SLC6A2: variants seen among roughly 807,000 people sequenced by gnomAD.
SLC6A2 encodes the protein sodium-dependent noradrenaline transporter.
Under a neutral mutation model 71.7 loss-of-function variants are expected in SLC6A2, and 26 were observed. The observed-to-expected ratio is 0.36, with a 90% CI of 0.27 to 0.50. The LOEUF (loss-of-function observed/expected upper bound fraction) is 0.50. SLC6A2 is among the 20% of genes least tolerant of loss of function. SLC6A2 has a pLI of 0.96. For synonymous variants in SLC6A2, 363 were observed against 337.9 expected, an observed-to-expected ratio of 1.07 and a Z score of -0.82; for missense variants, 581 against 803.9, an observed-to-expected ratio of 0.72 and a Z score of 3.35.
chr16:55,658,501 C>G (rs1275867092), intron 2 of SLC6A2, among the ~76,000 whole-genome samples: 1 of 151,666 alleles, frequency 6.6e-6, no homozygotes, highest in Admixed American at 6.6e-5. Flanking sequence ...CCATGGGTGA[C>G]AGAGCAAGAC....
At chr16:55,664,750 A>G (rs545196088) in intron 2 of SLC6A2, among the ~76,000 whole-genome samples, 1 of 152,328 alleles carries the variant, frequency 6.6e-6, no homozygotes, top group East Asian at 1.9e-4. Context: ...TCACATAGCT[A>G]CACATAGCAG....
intron 4 of SLC6A2, among the ~76,000 whole-genome samples, chr16:55,675,378 A>G (rs1162941479): frequency 6.6e-6 from 1 of 152,204 alleles, no homozygotes; most frequent in East Asian, 1.9e-4. Flanking sequence ...GAGGTCCCCA[A>G]ACTTTTCTGC....
At chr16:55,663,043 C>T (rs1964652327) in intron 2 of SLC6A2, among the ~76,000 whole-genome samples, 1 of 152,194 alleles carries the variant, frequency 6.6e-6, no homozygotes, top group Admixed American at 6.5e-5. Context: ...ACTTTGTGTT[C>T]CTATAATGAG....
chr16:55,697,187 T>C (rs1269050194), intron 9 of SLC6A2, among the ~76,000 whole-genome samples: 2 of 152,228 alleles, frequency 1.3e-5, no homozygotes, highest in Non-Finnish European at 2.9e-5. Context: ...GCCTTTTGCT[T>C]TCAGTCAGCA....
chr16:55,692,020 C>T lies in SLC6A2; in HGVS notation c.886C>T (p.His296Tyr). 1 of 1,614,202 alleles carries T rather than the reference C, an allele frequency of 6.2e-7. No individual in the cohort carries two copies. The highest frequency in any genetic ancestry group is 8.5e-7 in the Non-Finnish European group (1 of 1,180,026). ...CTCCAATGGCATCAATGCCTACCTG[C>T]ACATCGACTTCTACCGCTTGAAAGA... ...GASNGINAYL[H>Y]IDFYRLKEAT... Residue 296 changes from histidine to tyrosine, a missense_variant, in exon 6 of 15, where the codon CAC (histidine) becomes TAC (tyrosine). Coordinates refer to ENST00000568943, the MANE Select transcript of SLC6A2 (RefSeq NM_001172501.3).
intron 3 of SLC6A2, among the ~76,000 whole-genome samples, chr16:55,671,187 A>G (rs1193161772): frequency 6.6e-6 from 1 of 152,168 alleles, no homozygotes; most frequent in Non-Finnish European, 1.5e-5. Flanking sequence ...GGGATAGGGA[A>G]GGGGAGGCAG....
intron 9 of SLC6A2, among the ~76,000 whole-genome samples, chr16:55,696,544 C>A (rs563996160): frequency 1.3e-5 from 2 of 152,204 alleles, no homozygotes; most frequent in African/African-American, 2.4e-5. Flanking sequence ...CATAGGAACC[C>A]CTTTGACATC....
rs1405218687 is a variant in SLC6A2 at position 55,691,915 on chromosome 16, C to T, written c.784-3C>T. ...CTCTCACCTGAACTTATCCATTGCCCAGGTGGTGTGGATCACAGCCACGCT... is the reference window on the plus strand; with the variant it reads ...CTCTCACCTGAACTTATCCATTGCCTAGGTGGTGTGGATCACAGCCACGCT... On this transcript the variant is annotated splice_polypyrimidine_tract_variant and splice_region_variant and intron_variant, in intron 5 of 14. Coordinates refer to ENST00000568943, the MANE Select transcript of SLC6A2 (RefSeq NM_001172501.3). 3 of 1,614,048 alleles carry T rather than the reference C, an allele frequency of 1.9e-6. No homozygotes were observed. Among genetic ancestry groups the T allele is most frequent in the Non-Finnish European group, 2.5e-6 (3 of 1,180,044 alleles).
rs766942351 is a variant in SLC6A2, at chr16:55,703,919, C to G, written c.*1573C>G. On this transcript the variant is annotated 3_prime_UTR_variant, in exon 15 of 15. Transcript: ENST00000568943. Reference sequence around the variant, plus strand: ...GGGTCCTGAGGTTTCCTTGCTGGGTCGGGGTCCTCAGGTCATTCTATAGAT... The same window carrying G: ...GGGTCCTGAGGTTTCCTTGCTGGGTGGGGGTCCTCAGGTCATTCTATAGAT... The G allele has an allele frequency of 6.1e-6, 3 of 491,734 alleles. No homozygotes were observed. Among genetic ancestry groups the G allele is most frequent in the African/African-American group, 4.2e-5 (2 of 47,250 alleles). 30.5% of individuals were successfully genotyped at this position (491,734 alleles called of 1,614,324 possible).
At chr16:55,698,953 A>T (rs1442204385) in intron 11 of SLC6A2, among the ~76,000 whole-genome samples, 2 of 152,228 alleles carry the variant, frequency 1.3e-5, no homozygotes, top group East Asian at 3.9e-4. Flanking sequence ...GGACATACTT[A>T]CCCTAATTTT....
At chr16:55,692,630 G>C (rs531538994) in intron 6 of SLC6A2, among the ~76,000 whole-genome samples, 3 of 152,308 alleles carry the variant, frequency 2.0e-5, no homozygotes, top group Non-Finnish European at 4.4e-5. Context: ...AATCACAGAG[G>C]TACTCAGTAC....
intron 2 of SLC6A2, among the ~76,000 whole-genome samples, chr16:55,662,035 C>T (rs1272123784): frequency 6.6e-6 from 1 of 152,198 alleles, no homozygotes; most frequent in Non-Finnish European, 1.5e-5. Flanking sequence ...CTCAGATGCA[C>T]AATGAGCCAG....
At position 55,703,806 on chromosome 16, in the gene SLC6A2, A is replaced by C. The variant is rs1163304673; in HGVS notation, c.*1460A>C. On this transcript the variant is annotated 3_prime_UTR_variant, in exon 15 of 15. Transcript: ENST00000568943. ...CACGTCAAGAAGGTGCTTTGCCTCAAATTGGGGTGTTGTTGAGCCTGGTGG... is the reference window on the plus strand; with the variant it reads ...CACGTCAAGAAGGTGCTTTGCCTCACATTGGGGTGTTGTTGAGCCTGGTGG... 2.0e-6 allele frequency: 2 copies of C among 985,214 alleles called. No individual in the cohort carries two copies. Among genetic ancestry groups the C allele is most frequent in the Non-Finnish European group, 2.4e-6 (2 of 829,940 alleles). 61.0% of individuals were successfully genotyped at this position (985,214 alleles called of 1,614,324 possible). A position where few individuals can be genotyped will look rare whatever the true frequency, so the allele number is the denominator to read the frequency against.
chr16:55,659,037 C>T (rs1596941006), intron 2 of SLC6A2, among the ~76,000 whole-genome samples: 1 of 152,296 alleles, frequency 6.6e-6, no homozygotes, highest in Admixed American at 6.5e-5. Flanking sequence ...CGCCTGTCCT[C>T]AGTGACCGCC....
In SLC6A2 at chr16:55,656,892, G is replaced by C; in HGVS notation, c.198G>C (p.Leu66=). ...CCTGGGGCAAGAAGATCGACTTCCT[G>C]CTGTCCGTAGTCGGCTTCGCAGTGG... The part of the protein sequence containing the change: ...RETWGKKIDF[L]LSVVGFAVDL... Residue 66 remains leucine, a synonymous_variant, in exon 2 of 15, where the codon CTG becomes CTC. Transcript: ENST00000568943. This position sits in a 1 kb window ranked among gnomAD's most constrained non-coding sequence, Gnocchi z 4.5. The C allele has an allele frequency of 6.2e-7, 1 of 1,614,064 alleles. No homozygotes were observed. The highest frequency in any genetic ancestry group is 1.1e-5 in the South Asian group (1 of 91,086).
intron 8 of SLC6A2, 82 bp from the exon 9 acceptor site, chr16:55,696,143 T>A: frequency 1.2e-6 from 1 of 854,302 alleles, no homozygotes; most frequent in Admixed American, 1.7e-5. Context: ...ACCGAACAAT[T>A]GGGCCCCCAG....
intron 7 of SLC6A2, 120 bp downstream of exon 7, chr16:55,694,233 G>T (rs1297676135): frequency 2.6e-6 from 2 of 764,654 alleles, no homozygotes; most frequent in Admixed American, 1.8e-5. Context: ...TTTTCTTCTT[G>T]TGAACCATCC....
chr16:55,696,019 A>G (rs1049959448), intron 8 of SLC6A2, among the ~76,000 whole-genome samples: 1 of 152,164 alleles, frequency 6.6e-6, no homozygotes, highest in East Asian at 1.9e-4. Context: ...CAGGCAGGGA[A>G]CTGCTCTCCA....
intron 13 of SLC6A2, 75 bp downstream of exon 13, chr16:55,700,381 T>C (rs1179531858): frequency 4.5e-6 from 6 of 1,340,318 alleles, no homozygotes; most frequent in Non-Finnish European, 6.2e-6. Flanking sequence ...CTCATTCCTG[T>C]TGGGGTGGGG....
Sources: allele counts gnomAD v4.1 joint callset (sites outside exome capture counted in the v4.1 genomes callset), GRCh38; gene constraint gnomAD v4.1.1; non-coding constraint Gnocchi (gnomAD v3.1); transcripts MANE v1.5; gene names NCBI Gene and HGNC (gene_info 2026-07-23, HGNC 2026-07-21).